ZNF385D: variants seen among roughly 807,000 people sequenced by gnomAD.
ZNF385D encodes the protein zinc finger protein 659.
A neutral mutation model predicts 35.8 loss-of-function variants in ZNF385D; 15 were observed. That is an observed-to-expected ratio of 0.42 (90% CI 0.28 to 0.64). The LOEUF is 0.64. ZNF385D is among the 30% of genes least tolerant of loss of function. ZNF385D has a pLI of 0.23. For synonymous variants in ZNF385D, 212 were observed against 186.8 expected, an observed-to-expected ratio of 1.13 and a Z score of -1.10; for missense variants, 474 against 494.6, an observed-to-expected ratio of 0.96 and a Z score of 0.39.
intron 2 of ZNF385D, among the ~76,000 whole-genome samples, chr3:22,178,929 G>A (rs984319475): frequency 9.9e-5 from 15 of 152,170 alleles, no homozygotes; most frequent in Non-Finnish European, 1.6e-4. Context: ...GCTCTGTTCT[G>A]TTCCATTGGT....
At chr3:21,805,750 T>A (rs2072612476) in intron 3 of ZNF385D, among the ~76,000 whole-genome samples, 1 of 152,178 alleles carries the variant, frequency 6.6e-6, no homozygotes, top group South Asian at 2.1e-4. Flanking sequence ...TCCTCTCCTG[T>A]CCATCAAGTA....
At chr3:22,078,480 G>T (rs1700579326) in intron 3 of ZNF385D, among the ~76,000 whole-genome samples, 1 of 152,032 alleles carries the variant, frequency 6.6e-6, no homozygotes, top group Admixed American at 6.6e-5. Flanking sequence ...AGTGGATAAG[G>T]ATATGGTATT....
chr3:21,812,467 G>A (rs143273196), intron 3 of ZNF385D, among the ~76,000 whole-genome samples: 9 of 152,366 alleles, frequency 5.9e-5, no homozygotes, highest in African/African-American at 1.4e-4. Flanking sequence ...CGTGATAGAC[G>A]CTACCTGGAA....
chr3:22,167,545 A>C (rs1245994242), intron 3 of ZNF385D, among the ~76,000 whole-genome samples: 1 of 152,120 alleles, frequency 6.6e-6, no homozygotes. Context: ...CCCACCAATC[A>C]TGGGTACAGA....
chr3:21,746,845 C>T (rs1358892491), intron 1 of ZNF385D, among the ~76,000 whole-genome samples: 2 of 152,144 alleles, frequency 1.3e-5, no homozygotes, highest in African/African-American at 2.4e-5. Context: ...CATAACCTTG[C>T]CATTTAAATA....
chr3:21,584,127 C>G (rs1397971450), intron 2 of ZNF385D, among the ~76,000 whole-genome samples: 1 of 151,886 alleles, frequency 6.6e-6, no homozygotes, highest in African/African-American at 2.4e-5. Flanking sequence ...GCACACACCA[C>G]CACGCTAGGC....
chr3:21,939,668 T>G (rs973946905), intron 3 of ZNF385D, among the ~76,000 whole-genome samples: 10 of 152,182 alleles, frequency 6.6e-5, no homozygotes, highest in Non-Finnish European at 1.3e-4. Context: ...AAAATTATAT[T>G]AGAAATGTCT....
intron 3 of ZNF385D, among the ~76,000 whole-genome samples, chr3:22,001,722 G>A (rs912327789): frequency 7.1e-6 from 1 of 140,094 alleles, no homozygotes; most frequent in African/African-American, 2.8e-5. Flanking sequence ...CCATATGTTA[G>A]GCCACAAAAT....
chr3:21,638,192 A>C (rs1263545586), intron 2 of ZNF385D, among the ~76,000 whole-genome samples: 3 of 152,114 alleles, frequency 2.0e-5, no homozygotes, highest in African/African-American at 7.2e-5. Context: ...CACAAAAATT[A>C]GTATGCAATA....
intron 2 of ZNF385D, among the ~76,000 whole-genome samples, chr3:21,568,194 C>CAT (rs10686635): frequency 0.9 from 137,267 of 152,082 alleles, 62,111 homozygotes; most frequent in African/African-American, 0.96. Flanking sequence ...AACAATAAAT[C>CAT]ATTCACACGT....
intron 3 of ZNF385D, among the ~76,000 whole-genome samples, chr3:21,913,727 T>A (rs1326422175): frequency 1.3e-5 from 2 of 152,136 alleles, no homozygotes; most frequent in Admixed American, 1.3e-4. Flanking sequence ...AAAGAGAGAT[T>A]AGAACTCTTA....
chr3:22,365,017 T>C (rs1426201845), intron 2 of ZNF385D, among the ~76,000 whole-genome samples: 1 of 152,084 alleles, frequency 6.6e-6, no homozygotes, highest in African/African-American at 2.4e-5. Flanking sequence ...TGATTCCACT[T>C]ACATGAGGTA....
Position 21,838,206 on chromosome 3 carries a change from T to G in ZNF385D, c.326-173178A>C, listed in dbSNP as rs559758746. Among the ~76,000 whole-genome samples the G allele has an allele frequency of 3.9e-5, 6 of 152,200 alleles. No homozygotes were observed. The East Asian group carries it at 5.8e-4, about 15-fold the overall frequency. On this transcript the variant is annotated intron_variant, in intron 3 of 5. Transcript: ENST00000494108. ...GTTGGCTCTCATCATTTTGGTAATATGGAAAATTCAAGAAGATTGCCTGGG... is the reference window on the plus strand; with the variant it reads ...GTTGGCTCTCATCATTTTGGTAATAGGGAAAATTCAAGAAGATTGCCTGGG...
At chr3:22,040,378 T>C (rs1002033974) in intron 3 of ZNF385D, among the ~76,000 whole-genome samples, 1 of 152,126 alleles carries the variant, frequency 6.6e-6, no homozygotes, top group Non-Finnish European at 1.5e-5. Flanking sequence ...GGAACTTAAG[T>C]GCACAGAGAC....
At chr3:21,583,980 T>TTATTTATTTATC (rs1384129052) in intron 2 of ZNF385D, among the ~76,000 whole-genome samples, 1 of 149,080 alleles carries the variant, frequency 6.7e-6, no homozygotes, top group African/African-American at 2.5e-5. Flanking sequence ...ATTTATTTAT[T>TTATTTATTTATC]TATTTATTTT....
chr3:22,060,640 T>C (rs1388787660), intron 3 of ZNF385D, among the ~76,000 whole-genome samples: 1 of 152,094 alleles, frequency 6.6e-6, no homozygotes, highest in Non-Finnish European at 1.5e-5. Context: ...TCACTTAAAA[T>C]ACGTTAACAG....
intron 3 of ZNF385D, among the ~76,000 whole-genome samples, chr3:21,762,527 T>A (rs1278732345): frequency 6.6e-6 from 1 of 152,150 alleles, no homozygotes; most frequent in Non-Finnish European, 1.5e-5. Flanking sequence ...ATCACTTGGA[T>A]CTTACTAGTT....
In ZNF385D at chr3:21,747,867, T is replaced by A. The variant is rs961025998; in HGVS notation, c.22+3028A>T. On this transcript the variant is annotated intron_variant, in intron 1 of 7. Transcript: ENST00000281523. ...TGGATAAATTATTAATGGCTATTCA[T>A]CTTTGGCACATGTAATTTTTAACTA... Among the ~76,000 whole-genome samples, 21 of 152,198 alleles carry A rather than the reference T, an allele frequency of 1.4e-4. 1 individual carries two copies. Among genetic ancestry groups the A allele is most frequent in the Admixed American group, 5.9e-4 (9 of 15,286 alleles).
rs141915604 is a variant in ZNF385D at position 21,758,323 on chromosome 3, T to C, written c.326-93295A>G. Reference sequence around the variant, plus strand: ...AAATGCATCCCATAGGCATGGCCTATGAGGTTAGTGATTGGAACATGCCAT... The same window carrying C: ...AAATGCATCCCATAGGCATGGCCTACGAGGTTAGTGATTGGAACATGCCAT... On this transcript the variant is annotated intron_variant, in intron 3 of 5. Coordinates refer to the ZNF385D transcript ENST00000494108. Among the ~76,000 whole-genome samples the C allele has an allele frequency of 2.4e-3, 372 of 152,300 alleles. 1 individual carries two copies. Among genetic ancestry groups the C allele is most frequent in the African/African-American group, 8.7e-3 (360 of 41,576 alleles).
Sources: allele counts gnomAD v4.1 joint callset (sites outside exome capture counted in the v4.1 genomes callset), GRCh38; gene constraint gnomAD v4.1.1; transcripts MANE v1.5; gene names NCBI Gene and HGNC (gene_info 2026-07-23, HGNC 2026-07-21).